GNAL: variants seen among roughly 807,000 people sequenced by gnomAD.
The protein encoded by GNAL is guanine nucleotide-binding protein G(olf) subunit alpha.
GNAL carries 18 observed loss-of-function variants against 55.1 expected under a neutral mutation model. The observed-to-expected ratio is 0.33, with a 90% confidence interval of 0.23 to 0.48. GNAL has a LOEUF of 0.48. GNAL is among the 20% of genes least tolerant of loss of function. The pLI is 0.99. For synonymous variants in GNAL, 253 were observed against 237.0 expected, an observed-to-expected ratio of 1.07 and a Z score of -0.62; for missense variants, 412 against 614.1, an observed-to-expected ratio of 0.67 and a Z score of 3.48.
Position 11,798,245 on chromosome 18 carries a change from C to T in GNAL, c.625-26673C>T, listed in dbSNP as rs563964756. On this transcript the variant is annotated intron_variant, in intron 4 of 11. Transcript: ENST00000334049. ...TAACATCTTAGGTTCTCTTTAGCAG[C>T]TCATTATGCGCTATTAAATTCTTTT... Among the ~76,000 whole-genome samples, 5 of 152,148 alleles carry T rather than the reference C, an allele frequency of 3.3e-5. No homozygotes were observed. In the South Asian group the frequency reaches 6.2e-4, roughly 19 times the overall value.
rs1353361437 is a variant in GNAL at position 11,783,701 on chromosome 18, G to A, written c.624+29756G>A. On this transcript the variant is annotated intron_variant, in intron 4 of 11. Coordinates refer to ENST00000334049, the MANE Select transcript of GNAL (RefSeq NM_182978.4). ...GCAAAGCTTAATAATATATTTTAAC[G>A]CTATACAAATATCCAAAAATATTAT... 7.2e-5 allele frequency among the ~76,000 whole-genome samples: 11 copies of A among 152,026 alleles called. No individual in the cohort carries two copies. In the South Asian group the frequency reaches 1.0e-3, roughly 14 times the overall value.
intron 5 of GNAL, among the ~76,000 whole-genome samples, chr18:11,860,786 A>C (rs1235465841): frequency 3.3e-5 from 5 of 152,160 alleles, no homozygotes; most frequent in African/African-American, 1.2e-4. Flanking sequence ...TGGTGATAAG[A>C]ACATTCTCCT....
At chr18:11,805,180 AGTG>A (rs148015044) in intron 4 of GNAL, among the ~76,000 whole-genome samples, 14 of 136,328 alleles carry the variant, frequency 1.0e-4, no homozygotes, top group South Asian at 5.2e-4. Context: ...GATACTGTGT[AGTG>A]GTGAAGTACA....
intron 4 of GNAL, among the ~76,000 whole-genome samples, chr18:11,790,260 T>C (rs940828779): frequency 2.6e-5 from 4 of 152,074 alleles, no homozygotes; most frequent in East Asian, 1.9e-4. Context: ...CTGCACACCA[T>C]TGTTGGGACA....
At chr18:11,880,403 T>C (rs1464885157) in intron 11 of GNAL, among the ~76,000 whole-genome samples, 1 of 151,634 alleles carries the variant, frequency 6.6e-6, no homozygotes, top group Non-Finnish European at 1.5e-5. Flanking sequence ...ACCCCGTCTC[T>C]ACTAAAAATA....
intron 4 of GNAL, among the ~76,000 whole-genome samples, chr18:11,814,967 G>A (rs2034917898): frequency 1.3e-5 from 2 of 152,122 alleles, no homozygotes; most frequent in South Asian, 4.1e-4. Flanking sequence ...GTTGGAGAGG[G>A]GAAAGTAGAG....
intron 1 of GNAL, among the ~76,000 whole-genome samples, chr18:11,722,273 G>A (rs2032112922): frequency 2.0e-5 from 3 of 152,170 alleles, no homozygotes; most frequent in Admixed American, 1.3e-4. Context: ...TAACAAATGA[G>A]CCACTCAGAA....
chr18:11,735,068 G>T (rs1010124516), intron 1 of GNAL, among the ~76,000 whole-genome samples: 1 of 150,614 alleles, frequency 6.6e-6, no homozygotes, highest in Non-Finnish European at 1.5e-5. Flanking sequence ...GGTTTTTTTT[G>T]AGATGGAGTT....
intron 1 of GNAL, among the ~76,000 whole-genome samples, chr18:11,749,525 T>C (rs1372237108): frequency 6.6e-6 from 1 of 152,088 alleles, no homozygotes. Context: ...TTGACAAATA[T>C]TCCCAGCGCA....
At chr18:11,819,134 A>T (rs1344923780) in intron 4 of GNAL, among the ~76,000 whole-genome samples, 1 of 152,272 alleles carries the variant, frequency 6.6e-6, no homozygotes, top group Non-Finnish European at 1.5e-5. Flanking sequence ...GTAACCAAAA[A>T]GTCATTTGAC....
intron 4 of GNAL, among the ~76,000 whole-genome samples, chr18:11,811,985 A>G (rs2034829655): frequency 6.6e-6 from 1 of 152,230 alleles, no homozygotes. Context: ...TCCCACACAA[A>G]TAAGTTTCTC....
At chr18:11,832,316 A>G (rs895264810) in intron 5 of GNAL, among the ~76,000 whole-genome samples, 2 of 152,174 alleles carry the variant, frequency 1.3e-5, no homozygotes, top group African/African-American at 4.8e-5. Context: ...TGAATTCTCT[A>G]AGGAGAGACA....
chr18:11,831,054 A>G (rs1352046578), intron 5 of GNAL, among the ~76,000 whole-genome samples: 1 of 152,168 alleles, frequency 6.6e-6, no homozygotes, highest in Non-Finnish European at 1.5e-5. Flanking sequence ...GGAATTGGAT[A>G]GTGGTGATAG....
intron 4 of GNAL, among the ~76,000 whole-genome samples, chr18:11,821,001 C>G (rs1786568): frequency 0.57 from 86,787 of 152,150 alleles, 28,004 homozygotes; most frequent in Admixed American, 0.73. Flanking sequence ...CCTAGAGTTT[C>G]GTCTCCTATA....
chr18:11,879,115 A>G (rs936228240), intron 11 of GNAL, among the ~76,000 whole-genome samples: 3 of 149,422 alleles, frequency 2.0e-5, no homozygotes, highest in East Asian at 3.9e-4. Context: ...TAAAATATAT[A>G]TATATTAAAA....
At chr18:11,718,195 TAAA>T (rs1225271150) in intron 1 of GNAL, among the ~76,000 whole-genome samples, 1 of 152,144 alleles carries the variant, frequency 6.6e-6, no homozygotes, top group African/African-American at 2.4e-5. Context: ...AAAGTAAGGA[TAAA>T]GAAGAAAAAT....
At chr18:11,717,162 T>C (rs1255474045) in intron 1 of GNAL, among the ~76,000 whole-genome samples, 1 of 152,178 alleles carries the variant, frequency 6.6e-6, no homozygotes, top group Non-Finnish European at 1.5e-5. Flanking sequence ...AGCCCCTCAC[T>C]GTCTGGGGCC....
At chr18:11,712,968 G>A (rs1020392039) in intron 1 of GNAL, among the ~76,000 whole-genome samples, 1 of 152,198 alleles carries the variant, frequency 6.6e-6, no homozygotes, top group Non-Finnish European at 1.5e-5. Context: ...AAGTCAACTG[G>A]GAATGACCAG....
rs1273095410 is a variant in GNAL, at chr18:11,868,544, T to C, written c.912T>C (p.Asp304=). The C allele has an allele frequency of 6.2e-7, 1 of 1,608,370 alleles. No homozygotes were observed. The highest frequency in any genetic ancestry group is 2.2e-5 in the East Asian group (1 of 44,572). The change falls in exon 9 of 12, where the codon GAT becomes GAC. Residue 304 remains aspartate, a splice_region_variant and synonymous_variant. Transcript: ENST00000334049. This position sits in a 1 kb window ranked among gnomAD's most constrained non-coding sequence, Gnocchi z 4.0. ...ERRKWIQCFN[D]VTAIIYVAAC... is the part of the protein sequence containing the mutation. The stretch of plus-strand genomic sequence containing the variant: ...GCTTTCCTTTTTCTCCCCACCAAGA[T>C]GTCACAGCTATCATTTACGTCGCAG...
Sources: gnomAD v4.1 joint callset for allele counts (sites outside exome capture counted in the v4.1 genomes callset) on GRCh38, gnomAD v4.1.1 for gene constraint, Gnocchi (gnomAD v3.1) non-coding constraint, MANE v1.5 for transcripts, NCBI Gene and HGNC (gene_info 2026-07-23, HGNC 2026-07-21) for gene names.